Variants in PGAP3 observed in about 807,000 individuals in gnomAD.
The protein encoded by PGAP3 is GPI-specific phospholipase A2-like PGAP3.
A neutral mutation model predicts 40.3 loss-of-function variants in PGAP3; 31 were observed. The observed-to-expected ratio is 0.77, with a 90% CI of 0.58 to 1.04. The LOEUF is 1.04. Among genes scored for constraint, PGAP3 ranks in the 50% least tolerant of loss-of-function variants. The pLI, the probability that PGAP3 is intolerant of heterozygous loss-of-function variation, is 0.00. For synonymous variants in PGAP3, 191 were observed against 184.5 expected, an observed-to-expected ratio of 1.04 and a Z score of -0.29; for missense variants, 413 against 423.0, an observed-to-expected ratio of 0.98 and a Z score of 0.21.
chr17:39,673,753 G>A, intron 5 of PGAP3, 103 bp from the exon 6 acceptor site: 2 of 1,488,536 alleles, frequency 1.3e-6, no homozygotes, highest in South Asian at 2.5e-5. Flanking sequence ...GGCCCCTGAA[G>A]TCACTACCCC....
Position 39,687,974 on chromosome 17 carries a change from G to A in PGAP3, c.41C>T (p.Ala14Val), listed in dbSNP as rs762412326. ...LAARLVLLAG[A>V]AALASGSQGD... ...CTGGGAGCCGCTCGCCAGCGCCGCT[G>A]CCCCAGCTAGCAGGACCAACCGCGC... Residue 14 changes from alanine (A) to valine (V), a missense_variant, in exon 1 of 8, where the codon GCA becomes GTA. Ala to Val is a moderately conservative substitution (Grantham distance 64). Coordinates refer to ENST00000300658, the MANE Select transcript of PGAP3 (RefSeq NM_033419.5). The A allele has an allele frequency of 6.8e-7, 1 of 1,460,898 alleles. No homozygotes were observed. The highest frequency in any genetic ancestry group is 1.3e-5 in the South Asian group (1 of 76,030). The allele number at this position is 1,460,898 out of a possible 1,614,324, so 90.5% of individuals were successfully genotyped here.
At chr17:39,674,590 AG>A (rs1160460429) in intron 4 of PGAP3, 26 bp downstream of exon 4, 3 of 1,544,494 alleles carry the variant, frequency 1.9e-6, no homozygotes, top group Non-Finnish European at 2.6e-6. Flanking sequence ...CACCCTGTGC[AG>A]GAGGGGGAGC....
chr17:39,674,142 G>C, intron 4 of PGAP3, 88 bp from the exon 5 acceptor site: 1 of 1,348,370 alleles, frequency 7.4e-7, no homozygotes, highest in Non-Finnish European at 1.1e-6. Flanking sequence ...GTGGCAGAGA[G>C]GGGCCGGGGT....
At chr17:39,677,341 C>T (rs886958221) in intron 3 of PGAP3, among the ~76,000 whole-genome samples, 30 of 152,220 alleles carry the variant, frequency 2.0e-4, no homozygotes, top group African/African-American at 5.8e-4. Context: ...CTTCCCTTTC[C>T]GCAAGGGTCA....
chr17:39,674,809 C>T, intron 3 of PGAP3, 130 bp from the exon 4 acceptor site: 4 of 918,946 alleles, frequency 4.4e-6, no homozygotes, highest in East Asian at 2.7e-5. Context: ...TTTCCTGCCC[C>T]TGGAGCCCTC....
Position 39,672,780 on chromosome 17 carries a change from G to A in PGAP3, c.*23C>T. On this transcript the variant is annotated 3_prime_UTR_variant, in exon 8 of 8. Coordinates refer to ENST00000300658, the MANE Select transcript of PGAP3 (RefSeq NM_033419.5). ...GCAGGGCGGGGGCAGGATCCCCACTGGGGCAGACTCGCTCCAAGGTCTTCA... is the reference window on the plus strand; with the variant it reads ...GCAGGGCGGGGGCAGGATCCCCACTAGGGCAGACTCGCTCCAAGGTCTTCA... 6.2e-7 allele frequency: 1 copy of A among 1,612,226 alleles called. No homozygotes were observed. The highest frequency in any genetic ancestry group is 2.2e-5 in the East Asian group (1 of 44,870).
chr17:39,686,445 G>A (rs1358245527), intron 1 of PGAP3, among the ~76,000 whole-genome samples: 1 of 151,828 alleles, frequency 6.6e-6, no homozygotes, highest in Non-Finnish European at 1.5e-5. Flanking sequence ...TAGTAGAGAT[G>A]GGGTTTCTCC....
chr17:39,684,696 C>T lies in PGAP3; in HGVS notation c.333G>A (p.Ser111=), dbSNP rs143327410. The change falls in exon 3 of 8, where the codon TCG becomes TCA. Residue 111 remains serine, a synonymous_variant. Transcript: ENST00000300658. ...FFQEPASAVA[S]FLNGLASLVM... ...CCAGGCTGGCCAGGCCATTGAGAAA[C>T]GAGGCCACGGCCGATGCCGGCTCTT... 138 of 1,613,594 alleles carry T rather than the reference C, an allele frequency of 8.6e-5. No homozygotes were observed. Among genetic ancestry groups the T allele is most frequent in the South Asian group, 1.3e-4 (12 of 91,012 alleles).
In PGAP3 at chr17:39,673,166, G is replaced by C. The variant is rs1388630490; in HGVS notation, c.784C>G (p.Leu262Val). Residue 262 changes from leucine (L) to valine (V), a missense_variant, in exon 7 of 8, where the codon CTG becomes GTG. Leu to Val is a conservative substitution (Grantham distance 32, BLOSUM62 1). Coordinates refer to ENST00000300658, the MANE Select transcript of PGAP3 (RefSeq NM_033419.5). The stretch of plus-strand genomic sequence containing the variant: ...TCGAGCAGGGACAGCCCCTGCAGCA[G>C]CAAGACCACCACCACGCACTTGCGC... ...HVRKCVVVVL[L>V]LQGLSLLELL... 3.8e-6 allele frequency: 6 copies of C among 1,590,798 alleles called. No individual in the cohort carries two copies. In the South Asian group the frequency reaches 4.6e-5, roughly 12 times the overall value.
intron 7 of PGAP3, 27 bp downstream of exon 7, chr17:39,673,024 G>A (rs113100083): frequency 2.3e-5 from 37 of 1,592,226 alleles, no homozygotes; most frequent in African/African-American, 1.2e-4. Context: ...CAAAGAAGGT[G>A]AGCACCAGGC....
At position 39,687,900 on chromosome 17, in the gene PGAP3, GCTCTT is replaced by G. The variant is rs762614708; in HGVS notation, c.110_114del (p.Glu37AlafsTer31). 6.6e-7 allele frequency: 1 copy of G among 1,514,770 alleles called. No individual in the cohort carries two copies. The highest frequency in any genetic ancestry group is 1.2e-5 in the South Asian group (1 of 80,880). 93.8% of individuals were successfully genotyped at this position (1,514,770 alleles called of 1,614,324 possible). On this transcript the variant is annotated frameshift_variant, in exon 1 of 8. Coordinates refer to ENST00000300658, the MANE Select transcript of PGAP3 (RefSeq NM_033419.5). LOFTEE classifies it high-confidence loss of function. ...TTCAGAGCGCCCCCAGAGCAGTTCT[GCTCTT>G]CGCACTGCAGTACGCAGTCGCGGTA...
chr17:39,686,630 G>A (rs1327788790), intron 1 of PGAP3, among the ~76,000 whole-genome samples: 2 of 150,322 alleles, frequency 1.3e-5, no homozygotes, highest in Admixed American at 6.7e-5. Flanking sequence ...GGAGAGCATG[G>A]CTCACCACAG....
chr17:39,674,725 T>G, intron 3 of PGAP3, 46 bp from the exon 4 acceptor site: 4 of 1,505,644 alleles, frequency 2.7e-6, no homozygotes, highest in Non-Finnish European at 3.6e-6. Flanking sequence ...CACCCTGACC[T>G]CAAGGCAGGG....
In PGAP3 at chr17:39,673,063, A is replaced by T; in HGVS notation, c.887T>A (p.Val296Asp). 6.2e-7 allele frequency: 1 copy of T among 1,606,412 alleles called. No homozygotes were observed. The highest frequency in any genetic ancestry group is 8.5e-7 in the Non-Finnish European group (1 of 1,176,866). Residue 296 changes from valine to aspartate, a missense_variant, in exon 7 of 8, where the codon GTC becomes GAC. Coordinates refer to ENST00000300658, the MANE Select transcript of PGAP3 (RefSeq NM_033419.5). ...IWHISTIPVHVLFFSFLEDDS... is the reference protein window; with the variant it reads ...IWHISTIPVHDLFFSFLEDDS... Reference sequence around the variant, plus strand: ...GGGCAGCACCCACCTGAAAAAGAGGACGTGGACAGGGATGGTGCTGATGTG... The same window carrying T: ...GGGCAGCACCCACCTGAAAAAGAGGTCGTGGACAGGGATGGTGCTGATGTG...
At chr17:39,684,067 T>C (rs2057475010) in intron 3 of PGAP3, among the ~76,000 whole-genome samples, 1 of 137,806 alleles carries the variant, frequency 7.3e-6, no homozygotes, top group Admixed American at 8.2e-5. Flanking sequence ...GAGGTTGCAG[T>C]GAGCCAAGAT....
At chr17:39,685,800 G>A in intron 2 of PGAP3, 122 bp downstream of exon 2, 1 of 815,734 alleles carries the variant, frequency 1.2e-6, no homozygotes, top group Non-Finnish European at 2.0e-6. Flanking sequence ...AGAACAGGTA[G>A]CTGCCCCAAA....
chr17:39,675,048 ACCCG>A (rs1224096737), intron 3 of PGAP3, among the ~76,000 whole-genome samples: 1 of 37,112 alleles, frequency 2.7e-5, no homozygotes, highest in Non-Finnish European at 1.3e-4. Context: ...GCACCACCCC[ACCCG>A]GGCCCAGGGG....
intron 3 of PGAP3, 100 bp from the exon 4 acceptor site, chr17:39,674,779 T>G: frequency 2.5e-6 from 3 of 1,221,280 alleles, no homozygotes; most frequent in Non-Finnish European, 3.5e-6. Flanking sequence ...GAAGGGGCTC[T>G]GCAGGACAAG....
At chr17:39,676,344 G>T (rs1336167463) in intron 3 of PGAP3, among the ~76,000 whole-genome samples, 3 of 152,196 alleles carry the variant, frequency 2.0e-5, no homozygotes, top group Non-Finnish European at 4.4e-5. Flanking sequence ...AGCCAGCCAG[G>T]CCTCCTTGTC....
Sources: gnomAD v4.1 joint callset for allele counts (sites outside exome capture counted in the v4.1 genomes callset) on GRCh38, gnomAD v4.1.1 for gene constraint, MANE v1.5 for transcripts, NCBI Gene and HGNC (gene_info 2026-07-23, HGNC 2026-07-21) for gene names.